SGPP2: variants seen among roughly 807,000 people sequenced by gnomAD.
SGPP2 encodes the protein sphingosine-1-phosphate phosphatase 2.
Under a neutral mutation model 33.9 loss-of-function variants are expected in SGPP2, and 30 were observed. The observed-to-expected ratio is 0.89, with a 90% CI of 0.66 to 1.20. SGPP2 has a LOEUF of 1.20. Among genes scored for constraint, SGPP2 ranks in the 50% most tolerant of loss-of-function variants. The pLI, the probability that SGPP2 is intolerant of heterozygous loss-of-function variation, is 0.00. For missense variants in SGPP2, 458 were observed against 532.1 expected (o/e 0.86, Z 1.37); for synonymous variants, 233 against 225.0 (o/e 1.04, Z -0.32).
intron 1 of SGPP2, among the ~76,000 whole-genome samples, chr2:222,462,483 G>C (rs745820612): frequency 3.3e-5 from 5 of 152,138 alleles, no homozygotes; most frequent in Non-Finnish European, 5.9e-5. Context: ...AGAATGGGTG[G>C]ATGAGGAAGT....
chr2:222,457,764 C>T (rs899705870), intron 1 of SGPP2, among the ~76,000 whole-genome samples: 9 of 152,200 alleles, frequency 5.9e-5, no homozygotes, highest in Non-Finnish European at 1.3e-4. Flanking sequence ...AACCAGGCCT[C>T]CAGTCTAGGG....
intron 1 of SGPP2, among the ~76,000 whole-genome samples, chr2:222,444,850 G>C (rs1159647909): frequency 6.6e-6 from 1 of 152,176 alleles, no homozygotes; most frequent in East Asian, 1.9e-4. Context: ...TTTTTTATTA[G>C]AGTATACGAA....
At chr2:222,487,537 A>G (rs535892482) in intron 2 of SGPP2, among the ~76,000 whole-genome samples, 1 of 152,188 alleles carries the variant, frequency 6.6e-6, no homozygotes, top group Non-Finnish European at 1.5e-5. Context: ...GTTTTTCATC[A>G]TATGCCATGG....
At chr2:222,471,625 T>A (rs1382511809) in intron 1 of SGPP2, among the ~76,000 whole-genome samples, 1 of 152,094 alleles carries the variant, frequency 6.6e-6, no homozygotes, top group Non-Finnish European at 1.5e-5. Flanking sequence ...GAATGAATAT[T>A]TACAGGATAA....
intron 4 of SGPP2, among the ~76,000 whole-genome samples, chr2:222,527,998 C>T (rs1400409811): frequency 6.6e-6 from 1 of 152,134 alleles, no homozygotes. Flanking sequence ...GTCTACACTG[C>T]TGATTACCTG....
intron 1 of SGPP2, among the ~76,000 whole-genome samples, chr2:222,470,967 C>A (rs1441144458): frequency 2.0e-5 from 3 of 152,194 alleles, no homozygotes; most frequent in African/African-American, 7.2e-5. Flanking sequence ...TGTCTCGGAC[C>A]CTTGTCCTTG....
At chr2:222,499,638 G>T (rs541282930) in intron 2 of SGPP2, among the ~76,000 whole-genome samples, 1 of 152,070 alleles carries the variant, frequency 6.6e-6, no homozygotes, top group Non-Finnish European at 1.5e-5. Flanking sequence ...GGAAACACAA[G>T]TTGGGGCATT....
intron 1 of SGPP2, among the ~76,000 whole-genome samples, chr2:222,428,785 C>CTTTTTTTTTTTTTTTTTTTTTTTTT (rs58239129): frequency 2.7e-5 from 2 of 75,346 alleles, no homozygotes; most frequent in Non-Finnish European, 4.9e-5. Flanking sequence ...ACATGGTTTT[C>CTTTTTTTTTTTTTTTTTTTTTTTTT]TTTTTTTTTT....
intron 2 of SGPP2, among the ~76,000 whole-genome samples, chr2:222,484,683 AG>A (rs1461790290): frequency 6.6e-6 from 1 of 152,132 alleles, no homozygotes; most frequent in African/African-American, 2.4e-5. Flanking sequence ...GCAGAGGGTA[AG>A]GAACTCAGTT....
At chr2:222,517,711 G>A (rs1466787671) in intron 2 of SGPP2, among the ~76,000 whole-genome samples, 1 of 152,162 alleles carries the variant, frequency 6.6e-6, no homozygotes, top group Non-Finnish European at 1.5e-5. Context: ...TCCTAACGTG[G>A]GGCCAGAGCC....
chr2:222,424,832 G>A lies in SGPP2; in HGVS notation c.219+11G>A, dbSNP rs981276396. 1.5e-6 allele frequency: 2 copies of A among 1,341,206 alleles called. No individual in the cohort carries two copies. The highest frequency in any genetic ancestry group is 1.9e-6 in the Non-Finnish European group (2 of 1,048,694). The allele number at this position is 1,341,206 out of a possible 1,614,324, so 83.1% of individuals were successfully genotyped here. ...GCCGCGGCGCCGGAGGTAACCATGG[G>A]CAGGTGTTCGCCGGGTACGGGGAGG... On this transcript the variant is annotated intron_variant, in intron 1 of 4. Transcript: ENST00000321276.
chr2:222,528,985 A>G (rs1698800202), intron 4 of SGPP2, among the ~76,000 whole-genome samples: 1 of 152,230 alleles, frequency 6.6e-6, no homozygotes, highest in South Asian at 2.1e-4. Flanking sequence ...ATTTCTTTGT[A>G]GAATGCCAAT....
chr2:222,461,980 G>A (rs1212372332), intron 1 of SGPP2, among the ~76,000 whole-genome samples: 2 of 152,172 alleles, frequency 1.3e-5, no homozygotes, highest in Non-Finnish European at 2.9e-5. Flanking sequence ...AAATGGGTTA[G>A]GGGACTGTCC....
chr2:222,430,877 A>G (rs903930219), intron 1 of SGPP2, among the ~76,000 whole-genome samples: 2 of 152,220 alleles, frequency 1.3e-5, no homozygotes, highest in African/African-American at 2.4e-5. Flanking sequence ...AAAACTGTCA[A>G]GGTCATCAGA....
Position 222,559,127 on chromosome 2 carries a change from G to C in SGPP2, c.*229G>C. ...GTGCTACAGTTGAACCCAGGCTAAAGACCATAATCCGGATCTTTAAAGGCA... is the reference window on the plus strand; with the variant it reads ...GTGCTACAGTTGAACCCAGGCTAAACACCATAATCCGGATCTTTAAAGGCA... On this transcript the variant is annotated 3_prime_UTR_variant, in exon 5 of 5. Coordinates refer to ENST00000321276, the MANE Select transcript of SGPP2 (RefSeq NM_152386.4). The C allele has an allele frequency of 5.7e-6, 2 of 353,956 alleles. No individual in the cohort carries two copies. Among genetic ancestry groups the C allele is most frequent in the East Asian group, 4.6e-5 (1 of 21,932 alleles). The allele number at this position is 353,956 out of a possible 1,614,324, so 21.9% of individuals were successfully genotyped here.
At chr2:222,447,857 T>TA (rs201520122) in intron 1 of SGPP2, among the ~76,000 whole-genome samples, 80 of 146,856 alleles carry the variant, frequency 5.4e-4, no homozygotes, top group South Asian at 1.5e-3. Context: ...GTGAAGGAGG[T>TA]AAAAAAAAAA....
intron 2 of SGPP2, among the ~76,000 whole-genome samples, chr2:222,487,789 C>T (rs922794958): frequency 6.6e-5 from 10 of 152,132 alleles, no homozygotes; most frequent in African/African-American, 1.9e-4. Context: ...GTGGGCTGTA[C>T]AGAAAATCTG....
intron 1 of SGPP2, chr2:222,452,303 C>A (rs1474019056): frequency 1.7e-6 from 1 of 586,752 alleles, no homozygotes; most frequent in Non-Finnish European, 3.1e-6. Context: ...CATGTGGTTT[C>A]CAAAAAAGAA....
At chr2:222,552,518 G>A (rs1188391492) in intron 4 of SGPP2, among the ~76,000 whole-genome samples, 1 of 152,154 alleles carries the variant, frequency 6.6e-6, no homozygotes, top group South Asian at 2.1e-4. Context: ...TGGGTGCAGT[G>A]TCTACTGCTC....
Sources: gnomAD v4.1 joint callset for allele counts (sites outside exome capture counted in the v4.1 genomes callset) on GRCh38, gnomAD v4.1.1 for gene constraint, MANE v1.5 for transcripts, NCBI Gene and HGNC (gene_info 2026-07-23, HGNC 2026-07-21) for gene names.